ERC2: variants seen among roughly 807,000 people sequenced by gnomAD.
The protein encoded by ERC2 is ERC protein 2.
ERC2 carries 42 observed loss-of-function variants against 114.8 expected under a neutral mutation model. The ratio of observed to expected loss-of-function variants is 0.37; its 90% CI spans 0.29 to 0.47. The LOEUF (loss-of-function observed/expected upper bound fraction) is 0.47. Among genes scored for constraint, ERC2 ranks in the 20% least tolerant of loss-of-function variants. The pLI, the probability that ERC2 is intolerant of heterozygous loss-of-function variation, is 0.99. For missense variants in ERC2, 939 were observed against 1,150.7 expected (o/e 0.82, Z 2.66); for synonymous variants, 454 against 425.5 (o/e 1.07, Z -0.82).
intron 3 of ERC2, among the ~76,000 whole-genome samples, chr3:56,286,129 G>A (rs900697241): frequency 2.0e-5 from 3 of 152,218 alleles, no homozygotes; most frequent in South Asian, 2.1e-4. Flanking sequence ...AAGAAAAATA[G>A]GTGGCCGGGC....
chr3:56,178,576 C>G (rs1243759388), intron 3 of ERC2, among the ~76,000 whole-genome samples: 1 of 152,228 alleles, frequency 6.6e-6, no homozygotes, highest in Admixed American at 6.5e-5. Flanking sequence ...TATTATGGAC[C>G]AACACCAATT....
At chr3:56,139,904 A>G (rs1227591841) in intron 5 of ERC2, among the ~76,000 whole-genome samples, 2 of 152,214 alleles carry the variant, frequency 1.3e-5, no homozygotes, top group African/African-American at 4.8e-5. Context: ...TGGAAAGGTC[A>G]GCAGACTGCC....
intron 13 of ERC2, among the ~76,000 whole-genome samples, chr3:55,933,143 AG>A (rs2066218277): frequency 6.6e-6 from 1 of 151,172 alleles, no homozygotes. Flanking sequence ...TGGGAGGTGG[AG>A]GCTGCAGTGA....
chr3:55,696,818 A>G (rs2062957517), intron 16 of ERC2, among the ~76,000 whole-genome samples: 2 of 152,202 alleles, frequency 1.3e-5, no homozygotes, highest in South Asian at 2.1e-4. Context: ...AGATATAGCC[A>G]TCTCCAGCAC....
At chr3:55,718,776 A>C (rs981692760) in intron 15 of ERC2, among the ~76,000 whole-genome samples, 1 of 152,228 alleles carries the variant, frequency 6.6e-6, no homozygotes, top group Non-Finnish European at 1.5e-5. Context: ...GGTTTCTTCT[A>C]CTTCCTCAAT....
intron 3 of ERC2, among the ~76,000 whole-genome samples, chr3:56,253,870 A>G (rs1346941156): frequency 1.3e-5 from 2 of 152,186 alleles, no homozygotes; most frequent in Admixed American, 6.5e-5. Flanking sequence ...CACCACTGCA[A>G]TCCAGCCTGG....
chr3:55,618,510 G>A (rs184007707), intron 17 of ERC2, among the ~76,000 whole-genome samples: 116 of 152,242 alleles, frequency 7.6e-4, no homozygotes, highest in African/African-American at 2.7e-3. Context: ...TCCATACTCC[G>A]TTACTATAAA....
rs774477923 is a variant in ERC2, at chr3:55,670,829, T to TG, written c.*39+12964dup. Among the ~76,000 whole-genome samples, 3 of 152,222 alleles carry TG rather than the reference T, an allele frequency of 2.0e-5. No individual in the cohort carries two copies. In the East Asian group the frequency reaches 5.8e-4, roughly 29 times the overall value. On this transcript the variant is annotated intron_variant, in intron 17 of 17. Transcript: ENST00000288221. ...AATGGGTTTTACCTTTTTCAACAGTTGGGGGGGAATTTTTTTAAAACGAAT... is the reference window on the plus strand; with the variant it reads ...AATGGGTTTTACCTTTTTCAACAGTTGGGGGGGGAATTTTTTTAAAACGAAT...
intron 17 of ERC2, among the ~76,000 whole-genome samples, chr3:55,666,484 G>A (rs1900093): frequency 0.63 from 95,460 of 152,026 alleles, 30,040 homozygotes; most frequent in Admixed American, 0.67. Context: ...GGTTCCTTCA[G>A]TCTGCGGGTC....
chr3:56,364,389 T>G (rs1454801756), intron 2 of ERC2, among the ~76,000 whole-genome samples: 2 of 152,192 alleles, frequency 1.3e-5, no homozygotes, highest in Non-Finnish European at 2.9e-5. Flanking sequence ...GGTTAAAAAT[T>G]TTATGTCAAA....
At chr3:56,152,856 C>T (rs1403221682) in intron 4 of ERC2, among the ~76,000 whole-genome samples, 2 of 152,122 alleles carry the variant, frequency 1.3e-5, no homozygotes, top group African/African-American at 4.8e-5. Flanking sequence ...TATTTTACAT[C>T]TACCATCTCA....
chr3:56,139,743 T>C, intron 5 of ERC2, 67 bp from the exon 6 acceptor site: 1 of 1,464,078 alleles, frequency 6.8e-7, no homozygotes, highest in South Asian at 1.2e-5. Flanking sequence ...ATTGGACAAC[T>C]ACTGATTTCT....
At chr3:56,226,040 TCTA>T (rs2050229444) in intron 3 of ERC2, among the ~76,000 whole-genome samples, 1 of 152,218 alleles carries the variant, frequency 6.6e-6, no homozygotes, top group Non-Finnish European at 1.5e-5. Context: ...TTTCTACTAT[TCTA>T]CTATTTTTCC....
At position 56,434,695 on chromosome 3, in the gene ERC2, C is replaced by A. The variant is rs749951626; in HGVS notation, c.313G>T (p.Ala105Ser). The change falls in exon 2 of 18, where the codon GCT (alanine) becomes TCT (serine). Residue 105 changes from alanine (A) to serine (S), a missense_variant. Physicochemically the swap from Ala to Ser is moderately conservative, Grantham distance 99 (BLOSUM62 1). Transcript: ENST00000288221. ...TCTGTGTGGGAAAGTCCAGCAGAAG[C>A]AATATTGGGACTACTCCCCATGGCT... ...VTAMGSSPNI[A>S]SAGLSHTDVL... The A allele has an allele frequency of 3.3e-5, 53 of 1,613,856 alleles. No homozygotes were observed. The highest frequency in any genetic ancestry group is 1.6e-4 in the Middle Eastern group (1 of 6,084).
intron 14 of ERC2, among the ~76,000 whole-genome samples, chr3:55,837,011 C>T (rs2060920372): frequency 6.6e-6 from 1 of 152,090 alleles, no homozygotes; most frequent in African/African-American, 2.4e-5. Flanking sequence ...AAAATGCTCA[C>T]CATCACTGGC....
intron 3 of ERC2, among the ~76,000 whole-genome samples, chr3:56,248,049 G>C (rs2051842433): frequency 6.6e-6 from 1 of 152,124 alleles, no homozygotes; most frequent in Non-Finnish European, 1.5e-5. Context: ...AATAATTCTT[G>C]TAATTTTTTC....
rs186033300 is a variant in ERC2 at position 56,293,117 on chromosome 3, A to G, written c.1074+2902T>C. ...TAATGAATGAATGAATGGATGGATG[A>G]ATGAATAAATGAATGAATGAATGAG... On this transcript the variant is annotated intron_variant, in intron 3 of 17. Coordinates refer to ENST00000288221, the MANE Select transcript of ERC2 (RefSeq NM_015576.3). Among the ~76,000 whole-genome samples the G allele has an allele frequency of 7.9e-5, 12 of 152,384 alleles. No homozygotes were observed. In the East Asian group the frequency reaches 1.2e-3, roughly 15 times the overall value.
chr3:55,993,281 T>C (rs1350412), intron 10 of ERC2, among the ~76,000 whole-genome samples: 143,251 of 152,194 alleles, frequency 0.94, 67,655 homozygotes, highest in East Asian at 1. Context: ...CCATGGGTGA[T>C]ATAATCAAAT....
intron 13 of ERC2, among the ~76,000 whole-genome samples, chr3:55,944,743 C>T (rs1576307111): frequency 6.6e-6 from 1 of 152,176 alleles, no homozygotes; most frequent in Admixed American, 6.5e-5. Flanking sequence ...CTGAGACCGC[C>T]TACAGGGGCC....
Sources: allele counts gnomAD v4.1 joint callset (sites outside exome capture counted in the v4.1 genomes callset), GRCh38; gene constraint gnomAD v4.1.1; transcripts MANE v1.5; gene names NCBI Gene and HGNC (gene_info 2026-07-23, HGNC 2026-07-21).